CIT: variants seen among roughly 807,000 people sequenced by gnomAD.
CIT encodes citron rho-interacting serine/threonine kinase, also known as citron Rho-interacting kinase.
In CIT, 79 loss-of-function variants were observed where a neutral mutation model predicts 272.7. The ratio of observed to expected loss-of-function variants is 0.29; its 90% confidence interval spans 0.24 to 0.35. The LOEUF (loss-of-function observed/expected upper bound fraction) is 0.35. Ranked by LOEUF, CIT falls within the 10% of genes least tolerant of loss-of-function variation. The pLI, the probability that CIT is intolerant of heterozygous loss-of-function variation, is 1.00. For synonymous variants in CIT, 948 were observed against 995.6 expected (o/e 0.95, Z 0.90); for missense variants, 1,909 against 2,618.3 (o/e 0.73, Z 5.91).
rs1962941840 is a variant in CIT, at chr12:119,770,250, G to A, written c.2208+535C>T. Among the ~76,000 whole-genome samples, 1 of 152,018 alleles carries A rather than the reference G, an allele frequency of 6.6e-6. No homozygotes were observed. On this transcript the variant is annotated intron_variant, in intron 18 of 47. Transcript: ENST00000392521. This position sits in a 1 kb window ranked among gnomAD's most constrained non-coding sequence, Gnocchi z 4.4. Reference sequence around the variant, plus strand: ...CTAAAAAAAGACCTGCTATATCTAAGGAAATTGAAAAAATAATAATAATAA... The same window carrying A: ...CTAAAAAAAGACCTGCTATATCTAAAGAAATTGAAAAAATAATAATAATAA...
rs57894300 is a variant in CIT, at chr12:119,870,549, C to CAAAAAAA, written c.97-1355_97-1349dup. Among the ~76,000 whole-genome samples the CAAAAAAA allele has an allele frequency of 1.7e-4, 9 of 52,440 alleles. 2 individuals are homozygous for CAAAAAAA. Among genetic ancestry groups the CAAAAAAA allele is most frequent in the Non-Finnish European group, 2.1e-4 (6 of 28,144 alleles). The allele number at this position is 52,440 out of a possible 152,430, so 34.4% of individuals were successfully genotyped here. On this transcript the variant is annotated intron_variant, in intron 2 of 47. Coordinates refer to ENST00000392521, the MANE Select transcript of CIT (RefSeq NM_001206999.2). ...TAGGCAACACAGTGAGACTCCCTCT[C>CAAAAAAA]AAAAAAAAAAAAAAAAAAAAAAAAG... is the stretch of plus-strand genomic sequence containing the variant.
intron 13 of CIT, among the ~76,000 whole-genome samples, chr12:119,777,678 A>AC (rs1963906853): frequency 2.3e-5 from 1 of 44,028 alleles, no homozygotes; most frequent in South Asian, 9.8e-4. Flanking sequence ...TCAAAAAAAC[A>AC]AAAAAAAACA....
chr12:119,707,076 C>T (rs753009537), intron 40 of CIT, among the ~76,000 whole-genome samples: 7 of 152,110 alleles, frequency 4.6e-5, no homozygotes, highest in Admixed American at 1.3e-4. Context: ...GTCATAAATT[C>T]GAATTTTTAA....
intron 43 of CIT, 91 bp downstream of exon 43, chr12:119,701,532 GC>G: frequency 6.9e-7 from 1 of 1,446,620 alleles, no homozygotes; most frequent in Non-Finnish European, 9.4e-7. Context: ...AACCTATCCT[GC>G]CCCAGAGCTC....
chr12:119,753,762 A>G (rs1960574428), intron 22 of CIT, among the ~76,000 whole-genome samples: 2 of 152,076 alleles, frequency 1.3e-5, no homozygotes, highest in African/African-American at 4.8e-5. Context: ...AAAGAAAAAA[A>G]GATGACTCCC....
At chr12:119,775,330 C>T (rs1388591663) in intron 16 of CIT, among the ~76,000 whole-genome samples, 1 of 152,182 alleles carries the variant, frequency 6.6e-6, no homozygotes, top group Non-Finnish European at 1.5e-5. Context: ...GCCATTAGCA[C>T]AAACTTTGCA....
chr12:119,769,211 G>A (rs976480333), intron 18 of CIT, among the ~76,000 whole-genome samples: 1 of 151,980 alleles, frequency 6.6e-6, no homozygotes, highest in South Asian at 2.1e-4. Context: ...TTTGTGAATG[G>A]GAGTTTATAA....
chr12:119,850,356 A>C lies in CIT; in HGVS notation c.415-81T>G, dbSNP rs546982354. ...AGCCTTTTCCTCTGTCTTTATGCCT[A>C]AACTGATGTTTCTAGCTTTAAAAAA... On this transcript the variant is annotated intron_variant, in intron 4 of 47. Transcript: ENST00000392521. 3.6e-5 allele frequency: 27 copies of C among 746,820 alleles called. 1 individual carries two copies. The South Asian group carries it at 4.7e-4, about 13-fold the overall frequency. 46.3% of individuals were successfully genotyped at this position (746,820 alleles called of 1,614,324 possible). A position where few individuals can be genotyped will look rare whatever the true frequency, so the allele number is the denominator to read the frequency against.
chr12:119,815,476 G>A (rs1160473457), intron 9 of CIT, among the ~76,000 whole-genome samples: 2 of 152,156 alleles, frequency 1.3e-5, no homozygotes, highest in Non-Finnish European at 2.9e-5. Flanking sequence ...GGAGGCCGAG[G>A]TGGGCGGATT....
At position 119,832,768 on chromosome 12, in the gene CIT, T is replaced by A. The variant is rs886037895; in HGVS notation, c.753+3A>T. On this transcript the variant is annotated splice_donor_region_variant and intron_variant, in intron 7 of 47. Coordinates refer to ENST00000392521, the MANE Select transcript of CIT (RefSeq NM_001206999.2). ...TATTAAGCTATCTTATTCCATTTTT[T>A]ACCATCTTGTTTGAATTCATTTTCG... 1.2e-6 allele frequency: 2 copies of A among 1,610,030 alleles called. No homozygotes were observed. Among genetic ancestry groups the A allele is most frequent in the Non-Finnish European group, 8.5e-7 (1 of 1,176,214 alleles).
intron 10 of CIT, among the ~76,000 whole-genome samples, chr12:119,787,281 A>C (rs1288128814): frequency 6.6e-6 from 1 of 152,034 alleles, no homozygotes; most frequent in Admixed American, 6.6e-5. Flanking sequence ...ATGTTTAAAA[A>C]TGAGTCGGGC....
intron 28 of CIT, among the ~76,000 whole-genome samples, chr12:119,725,113 T>C (rs1462631723): frequency 6.6e-6 from 1 of 151,990 alleles, no homozygotes; most frequent in Non-Finnish European, 1.5e-5. Context: ...GAGACTTTGA[T>C]TCTGGCTCCA....
chr12:119,714,455 A>G lies in CIT; in HGVS notation c.4169-121T>C, dbSNP rs1957339735. 9 of 959,770 alleles carry G rather than the reference A, an allele frequency of 9.4e-6. No individual in the cohort carries two copies. The South Asian group carries it at 1.6e-4, about 17-fold the overall frequency. The allele number at this position is 959,770 out of a possible 1,614,324, so 59.5% of individuals were successfully genotyped here. A position where few individuals can be genotyped will look rare whatever the true frequency, so the allele number is the denominator to read the frequency against. On this transcript the variant is annotated intron_variant, in intron 32 of 47. Transcript: ENST00000392521. ...AAATCAAATCTCTGATAAGGGACTCATATCTAGAATACATAAAGAACTCTT... is the reference window on the plus strand; with the variant it reads ...AAATCAAATCTCTGATAAGGGACTCGTATCTAGAATACATAAAGAACTCTT...
rs770728096 is a variant in CIT at position 119,784,098 on chromosome 12, T to C, written c.1402-47A>G. 5 of 1,613,746 alleles carry C rather than the reference T, an allele frequency of 3.1e-6. No individual in the cohort carries two copies. The highest frequency in any genetic ancestry group is 4.2e-6 in the Non-Finnish European group (5 of 1,179,756). On this transcript the variant is annotated intron_variant, in intron 11 of 47. Coordinates refer to ENST00000392521, the MANE Select transcript of CIT (RefSeq NM_001206999.2). The surrounding 1 kb of genome is among the most constrained non-coding windows in gnomAD (Gnocchi z 4.7). Reference sequence around the variant, plus strand: ...GTTAAAAAGGCCCGTGGAGGTTCATTAGGAGCAATCACATCTCAAGTAGCC... The same window carrying C: ...GTTAAAAAGGCCCGTGGAGGTTCATCAGGAGCAATCACATCTCAAGTAGCC...
At chr12:119,801,809 A>C (rs1966227085) in intron 10 of CIT, among the ~76,000 whole-genome samples, 1 of 152,194 alleles carries the variant, frequency 6.6e-6, no homozygotes, top group African/African-American at 2.4e-5. Flanking sequence ...ACCACCATCC[A>C]GATTGCTTTG....
chr12:119,747,509 A>T (rs1008935041), intron 23 of CIT, among the ~76,000 whole-genome samples: 8 of 151,756 alleles, frequency 5.3e-5, no homozygotes, highest in Non-Finnish European at 1.0e-4. Flanking sequence ...TCACAAGGTC[A>T]AGAGATCGAG....
chr12:119,860,787 A>G (rs1950312309), intron 3 of CIT, among the ~76,000 whole-genome samples: 1 of 151,852 alleles, frequency 6.6e-6, no homozygotes, highest in Admixed American at 6.6e-5. Context: ...ATTAAGGTGA[A>G]CAGATGAGAG....
chr12:119,766,163 T>G (rs139122095), intron 19 of CIT, among the ~76,000 whole-genome samples: 2 of 151,852 alleles, frequency 1.3e-5, no homozygotes, highest in East Asian at 3.9e-4. Flanking sequence ...GTGCAGCCAA[T>G]CACCATGGCA....
Position 119,784,695 on chromosome 12 carries a change from G to A in CIT, c.1401+265C>T, listed in dbSNP as rs1375265300. 3 of 1,318,946 alleles carry A rather than the reference G, an allele frequency of 2.3e-6. No individual in the cohort carries two copies. The highest frequency in any genetic ancestry group is 2.0e-5 in the South Asian group (1 of 51,236). 81.7% of individuals were successfully genotyped at this position (1,318,946 alleles called of 1,614,324 possible). A position where few individuals can be genotyped will look rare whatever the true frequency, so the allele number is the denominator to read the frequency against. On this transcript the variant is annotated intron_variant, in intron 11 of 47. Transcript: ENST00000392521. This position sits in a 1 kb window ranked among gnomAD's most constrained non-coding sequence, Gnocchi z 4.7. ...CCCAGGCCACCTGCCGGAAGAAGCA[G>A]ACATCTGGCTGGGTCATGCTGAGAA...
Sources: allele counts gnomAD v4.1 joint callset (sites outside exome capture counted in the v4.1 genomes callset), GRCh38; gene constraint gnomAD v4.1.1; non-coding constraint Gnocchi (gnomAD v3.1); transcripts MANE v1.5; gene names NCBI Gene and HGNC (gene_info 2026-07-23, HGNC 2026-07-21).